Variants in GRIK4 observed in about 807,000 individuals in gnomAD.
The protein encoded by GRIK4 is glutamate ionotropic receptor kainate type subunit 4, also known as glutamate receptor ionotropic, kainate 4.
In GRIK4, 40 loss-of-function variants were observed where a neutral mutation model predicts 104.9. The observed-to-expected ratio is 0.38, with a 90% CI of 0.30 to 0.50. GRIK4 has a LOEUF of 0.50. Among genes scored for constraint, GRIK4 ranks in the 20% least tolerant of loss-of-function variants. GRIK4 has a pLI of 0.93. For missense variants in GRIK4, 1,047 were observed against 1,308.1 expected (o/e 0.80, Z 3.08); for synonymous variants, 485 against 524.9 (o/e 0.92, Z 1.04).
chr11:120,930,003 G>GTC (rs11378503), intron 13 of GRIK4, among the ~76,000 whole-genome samples: 4 of 110,674 alleles, frequency 3.6e-5, no homozygotes, highest in African/African-American at 1.8e-4. Context: ...GGCCACGTTT[G>GTC]GGGGGGGGGT....
chr11:120,798,969 TG>T (rs1303091948), intron 3 of GRIK4, among the ~76,000 whole-genome samples: 2 of 152,104 alleles, frequency 1.3e-5, no homozygotes, highest in Non-Finnish European at 1.5e-5. Flanking sequence ...CAAAACAAAA[TG>T]GGGATAGGTG....
intron 3 of GRIK4, among the ~76,000 whole-genome samples, chr11:120,749,420 A>G (rs958703870): frequency 1.3e-5 from 2 of 152,150 alleles, no homozygotes; most frequent in Non-Finnish European, 2.9e-5. Flanking sequence ...CAGCTCACAT[A>G]TGGTGTCGAG....
At position 120,545,864 on chromosome 11, in the gene GRIK4, C is replaced by T. The variant is rs775942044; in HGVS notation, c.-159+33977C>T. Among the ~76,000 whole-genome samples the T allele has an allele frequency of 1.4e-4, 22 of 152,328 alleles. 1 individual carries two copies. The highest frequency in any genetic ancestry group is 2.9e-4 in the Non-Finnish European group (20 of 68,042). On this transcript the variant is annotated intron_variant, in intron 1 of 20. Coordinates refer to ENST00000527524, the MANE Select transcript of GRIK4 (RefSeq NM_014619.5). ...AAGACTGAGAAGGAGTTACTGAGAA[C>T]TGCGGAGGCCTGTGCTGTGCACTGA...
At chr11:120,537,687 G>A (rs945962300) in intron 1 of GRIK4, among the ~76,000 whole-genome samples, 1 of 152,184 alleles carries the variant, frequency 6.6e-6, no homozygotes, top group Non-Finnish European at 1.5e-5. Flanking sequence ...GGACGGGCAC[G>A]CGCCTTCCTC....
chr11:120,738,303 G>T (rs1255876470), intron 3 of GRIK4, among the ~76,000 whole-genome samples: 1 of 152,260 alleles, frequency 6.6e-6, no homozygotes, highest in Non-Finnish European at 1.5e-5. Context: ...CACCGTCTCA[G>T]AGTGGTGGCA....
intron 1 of GRIK4, among the ~76,000 whole-genome samples, chr11:120,543,499 C>T (rs530734039): frequency 5.9e-5 from 9 of 152,064 alleles, no homozygotes; most frequent in African/African-American, 1.4e-4. Flanking sequence ...TACTTGAACC[C>T]GGGAGGCGGA....
At chr11:120,839,113 G>A (rs1260263857) in intron 8 of GRIK4, among the ~76,000 whole-genome samples, 1 of 152,152 alleles carries the variant, frequency 6.6e-6, no homozygotes, top group Admixed American at 6.5e-5. Flanking sequence ...GCCATAGAGG[G>A]AGGGGCTTCA....
At chr11:120,949,729 G>T (rs182319221) in intron 14 of GRIK4, among the ~76,000 whole-genome samples, 1 of 152,328 alleles carries the variant, frequency 6.6e-6, no homozygotes, top group East Asian at 1.9e-4. Context: ...CAGTACAGCT[G>T]CCATTTGAAT....
intron 1 of GRIK4, among the ~76,000 whole-genome samples, chr11:120,640,499 G>A (rs980768854): frequency 3.9e-5 from 6 of 151,990 alleles, no homozygotes; most frequent in African/African-American, 9.7e-5. Flanking sequence ...ATGCCCATTT[G>A]AATTTCATGG....
At chr11:120,570,880 A>C (rs1948389413) in intron 1 of GRIK4, among the ~76,000 whole-genome samples, 2 of 152,202 alleles carry the variant, frequency 1.3e-5, no homozygotes. Context: ...ATCTGTGTGA[A>C]TATTATTTAC....
intron 3 of GRIK4, among the ~76,000 whole-genome samples, chr11:120,797,225 C>G (rs566951519): frequency 1.3e-5 from 2 of 152,320 alleles, no homozygotes; most frequent in Admixed American, 6.5e-5. Context: ...GCTGTGGCCC[C>G]AGACCTCCCA....
chr11:120,988,473 C>CT lies in GRIK4; in HGVS notation c.*2220dup, dbSNP rs1160975322. On this transcript the variant is annotated 3_prime_UTR_variant, in exon 21 of 21. Coordinates refer to ENST00000527524, the MANE Select transcript of GRIK4 (RefSeq NM_014619.5). ...GCAGGCTATCTTGATCAATAGCAAACTTTTTTTAATGGATTAGTGAAATAA... is the reference window on the plus strand; with the variant it reads ...GCAGGCTATCTTGATCAATAGCAAACTTTTTTTTAATGGATTAGTGAAATAA... 4.6e-5 allele frequency: 7 copies of CT among 152,102 alleles called. No homozygotes were observed. The highest frequency in any genetic ancestry group is 7.4e-5 in the Non-Finnish European group (5 of 68,022). The allele number at this position is 152,102 out of a possible 1,614,324, so 9.4% of individuals were successfully genotyped here. A position where few individuals can be genotyped will look rare whatever the true frequency, so the allele number is the denominator to read the frequency against.
At chr11:120,760,699 G>A (rs937797561) in intron 3 of GRIK4, among the ~76,000 whole-genome samples, 2 of 151,998 alleles carry the variant, frequency 1.3e-5, no homozygotes, top group African/African-American at 4.8e-5. Flanking sequence ...TGCAGTGTTT[G>A]GTTTTCTGTT....
At chr11:120,762,702 GT>G (rs1951771076) in intron 3 of GRIK4, among the ~76,000 whole-genome samples, 1 of 152,142 alleles carries the variant, frequency 6.6e-6, no homozygotes, top group Non-Finnish European at 1.5e-5. Context: ...TAATCATGTG[GT>G]TTTTGTCATT....
intron 5 of GRIK4, among the ~76,000 whole-genome samples, chr11:120,817,319 G>T (rs1952987472): frequency 6.6e-6 from 1 of 152,200 alleles, no homozygotes; most frequent in Non-Finnish European, 1.5e-5. Context: ...CAACTCCTCT[G>T]CCCCTGTGCC....
intron 11 of GRIK4, 51 bp from the exon 12 acceptor site, chr11:120,898,481 C>T (rs1207927229): frequency 9.4e-7 from 1 of 1,060,326 alleles, no homozygotes. Context: ...TGGCTCCTTC[C>T]AGCTCTGGAG....
At chr11:120,790,439 T>A (rs1952371879) in intron 3 of GRIK4, among the ~76,000 whole-genome samples, 1 of 151,830 alleles carries the variant, frequency 6.6e-6, no homozygotes, top group Non-Finnish European at 1.5e-5. Context: ...GAATGGGGTA[T>A]GAGAATGAGG....
At chr11:120,928,663 G>C (rs925152147) in intron 13 of GRIK4, among the ~76,000 whole-genome samples, 2 of 152,116 alleles carry the variant, frequency 1.3e-5, no homozygotes, top group Non-Finnish European at 2.9e-5. Flanking sequence ...CCTTAGCGCT[G>C]GTTCGTTCCT....
chr11:120,849,195 A>G (rs535201412), intron 8 of GRIK4, among the ~76,000 whole-genome samples: 5 of 152,092 alleles, frequency 3.3e-5, no homozygotes, highest in Non-Finnish European at 7.4e-5. Flanking sequence ...TTCTATGCCC[A>G]TGTGCCTTGG....
Sources: allele counts gnomAD v4.1 joint callset (sites outside exome capture counted in the v4.1 genomes callset), GRCh38; gene constraint gnomAD v4.1.1; transcripts MANE v1.5; gene names NCBI Gene and HGNC (gene_info 2026-07-23, HGNC 2026-07-21).